Variants in UNK observed in about 807,000 individuals in gnomAD.
The protein encoded by UNK is unk zinc finger.
UNK carries 32 observed loss-of-function variants against 97.6 expected under a neutral mutation model. The ratio of observed to expected loss-of-function variants is 0.33; its 90% CI spans 0.25 to 0.44. The LOEUF is 0.44. Among genes scored for constraint, UNK ranks in the 20% least tolerant of loss-of-function variants. The probability of loss-of-function intolerance (pLI) is 1.00; values close to 1 mark genes in which losing one functional copy is unlikely to be tolerated. For synonymous variants in UNK, 441 were observed against 461.2 expected (o/e 0.96, Z 0.56); for missense variants, 771 against 1,098.4 (o/e 0.70, Z 4.21).
chr17:75,805,121 C>T (rs1244064133), intron 1 of UNK, among the ~76,000 whole-genome samples: 1 of 149,864 alleles, frequency 6.7e-6, no homozygotes, highest in Non-Finnish European at 1.5e-5. Flanking sequence ...GCAGAGCTTG[C>T]AGTGAGCTGA....
At chr17:75,803,313 G>C (rs1431529325) in intron 1 of UNK, among the ~76,000 whole-genome samples, 1 of 152,184 alleles carries the variant, frequency 6.6e-6, no homozygotes, top group Non-Finnish European at 1.5e-5. Context: ...TGAGGCAGAA[G>C]AATCACTTGA....
rs1206224750 is a variant in UNK, at chr17:75,817,144, A to C, written c.1105-182A>C. Among the ~76,000 whole-genome samples the C allele has an allele frequency of 6.7e-6, 1 of 150,320 alleles. No homozygotes were observed. The highest frequency in any genetic ancestry group is 1.5e-5 in the Non-Finnish European group (1 of 67,256). On this transcript the variant is annotated intron_variant, in intron 8 of 15. Transcript: ENST00000589666. This position sits in a 1 kb window ranked among gnomAD's most constrained non-coding sequence, Gnocchi z 5.8. ...CCTGTAGGACTGGTGGCAGGGACAA[A>C]GCCTGAGGTCACTCCCCTTTCCTTC...
rs1599387081 is a variant in UNK, at chr17:75,817,709, G to A, written c.1305+183G>A. ...GCCCATTTGCAGCTGAAGACAGGAA[G>A]GCTGGGGAGGCTGCATAGCCTCCCC... On this transcript the variant is annotated intron_variant, in intron 9 of 15. Coordinates refer to ENST00000589666, the MANE Select transcript of UNK (RefSeq NM_001080419.3). This position sits in a 1 kb window ranked among gnomAD's most constrained non-coding sequence, Gnocchi z 5.8. Among the ~76,000 whole-genome samples the A allele has an allele frequency of 6.6e-6, 1 of 152,188 alleles. No homozygotes were observed. Among genetic ancestry groups the A allele is most frequent in the East Asian group, 1.9e-4 (1 of 5,184 alleles).
At chr17:75,801,598 G>A (rs1181022348) in intron 1 of UNK, among the ~76,000 whole-genome samples, 1 of 151,874 alleles carries the variant, frequency 6.6e-6, no homozygotes, top group Non-Finnish European at 1.5e-5. Flanking sequence ...CCAGGCTGGA[G>A]TGAAGTGGCA....
In UNK at chr17:75,813,088, T is replaced by C. The variant is rs750341614; in HGVS notation, c.633T>C (p.Tyr211=). The C allele has an allele frequency of 3.8e-6, 6 of 1,587,556 alleles. No homozygotes were observed. The East Asian group carries it at 1.1e-4, about 30-fold the overall frequency. ...TGGCCCCCTGTGCAGAGACTGCTTA[T>C]GTGCTGGGGAACTATAAGACGGAGC... ...SEEPRWQETA[Y]VLGNYKTEPC... The change falls in exon 5 of 16, where the codon TAT becomes TAC. Residue 211 remains tyrosine, a synonymous_variant. Transcript: ENST00000589666.
chr17:75,814,156 C>G (rs2061995848), intron 6 of UNK, among the ~76,000 whole-genome samples: 1 of 151,876 alleles, frequency 6.6e-6, no homozygotes, highest in Non-Finnish European at 1.5e-5. Context: ...GGCGACCTGG[C>G]CACTCTGGGC....
chr17:75,824,252 T>C lies in UNK; in HGVS notation c.2278-10T>C. 6.3e-7 allele frequency: 1 copy of C among 1,581,098 alleles called. No individual in the cohort carries two copies. Among genetic ancestry groups the C allele is most frequent in the South Asian group, 1.1e-5 (1 of 88,516 alleles). ...CATGGATGGTGACCACGATGCCCCT[T>C]TCCCTGCAGGCCGTGTTCCACATGC... is the stretch of plus-strand genomic sequence containing the variant. On this transcript the variant is annotated splice_polypyrimidine_tract_variant and intron_variant, in intron 15 of 15. Coordinates refer to ENST00000589666, the MANE Select transcript of UNK (RefSeq NM_001080419.3). The surrounding 1 kb of genome is among the most constrained non-coding windows in gnomAD (Gnocchi z 4.9).
At chr17:75,813,332 T>C (rs1343487175) in intron 5 of UNK, 119 bp downstream of exon 5, 2 of 1,374,546 alleles carry the variant, frequency 1.5e-6, no homozygotes, top group Non-Finnish European at 1.9e-6. Flanking sequence ...GATGACAGGA[T>C]CGCAAGCCCA....
At chr17:75,792,862 T>G (rs2061774230) in intron 1 of UNK, among the ~76,000 whole-genome samples, 1 of 152,256 alleles carries the variant, frequency 6.6e-6, no homozygotes, top group African/African-American at 2.4e-5. Flanking sequence ...TCAGTGTATA[T>G]GAGTCCCTCT....
At chr17:75,785,348 T>G in intron 1 of UNK, 1 of 191,892 alleles carries the variant, frequency 5.2e-6, no homozygotes, top group Non-Finnish European at 1.1e-5. Flanking sequence ...CCAAGAGGAG[T>G]TCCGTGGGGT....
At chr17:75,806,957 C>T (rs2061924052) in intron 1 of UNK, among the ~76,000 whole-genome samples, 2 of 152,244 alleles carry the variant, frequency 1.3e-5, no homozygotes, top group African/African-American at 4.8e-5. Flanking sequence ...CTGTAGCTCA[C>T]TGTCTGTCCT....
At position 75,818,290 on chromosome 17, in the gene UNK, G is replaced by A. The variant is rs545902898; in HGVS notation, c.1371+122G>A. The A allele has an allele frequency of 2.5e-5, 28 of 1,132,936 alleles. No homozygotes were observed. The East Asian group carries it at 6.4e-4, about 26-fold the overall frequency. The allele number at this position is 1,132,936 out of a possible 1,614,324, so 70.2% of individuals were successfully genotyped here. A position where few individuals can be genotyped will look rare whatever the true frequency, so the allele number is the denominator to read the frequency against. ...AAAAGCTGAGGGCAGGACTAAAGTG[G>A]GGTCCCAGCCACAAATCCAGAGAGG... On this transcript the variant is annotated intron_variant, in intron 10 of 15. Coordinates refer to ENST00000589666, the MANE Select transcript of UNK (RefSeq NM_001080419.3). This position sits in a 1 kb window ranked among gnomAD's most constrained non-coding sequence, Gnocchi z 5.1.
At chr17:75,813,253 T>C in intron 5 of UNK, 40 bp downstream of exon 5, 1 of 1,542,954 alleles carries the variant, frequency 6.5e-7, no homozygotes, top group African/African-American at 1.4e-5. Flanking sequence ...GAGGGAGGAG[T>C]GGCAGGGAAG....
chr17:75,792,452 A>G (rs1428333799), intron 1 of UNK: 1 of 985,296 alleles, frequency 1.0e-6, no homozygotes. Flanking sequence ...GGTCACACTA[A>G]TTGTTATGTG....
chr17:75,809,649 C>G (rs2061950364), intron 1 of UNK, 111 bp from the exon 2 acceptor site: 1 of 1,183,928 alleles, frequency 8.4e-7, no homozygotes, highest in Non-Finnish European at 1.2e-6. Context: ...TCCAGTGGAA[C>G]TAGCACCCCA....
chr17:75,791,893 T>C, intron 1 of UNK: 1 of 985,328 alleles, frequency 1.0e-6, no homozygotes, highest in African/African-American at 1.7e-5. Flanking sequence ...CTTAGAGAAA[T>C]CCATCTTGGG....
rs773719382 is a variant in UNK, at chr17:75,785,003, C to T, written c.104+19C>T. 3.8e-5 allele frequency: 54 copies of T among 1,403,328 alleles called. 3 individuals are homozygous for T. Among genetic ancestry groups the T allele is most frequent in the Admixed American group, 1.3e-4 (4 of 30,302 alleles). The allele number at this position is 1,403,328 out of a possible 1,614,324, so 86.9% of individuals were successfully genotyped here. The stretch of plus-strand genomic sequence containing the variant: ...ACTACACGTACGTAGAGCCCCCCCC[C>T]CCCCGCCGCGCGCGCACGCCTGACG... On this transcript the variant is annotated intron_variant, in intron 1 of 15. Coordinates refer to ENST00000589666, the MANE Select transcript of UNK (RefSeq NM_001080419.3).
chr17:75,785,745 C>T (rs1402886476), intron 1 of UNK: 1 of 152,014 alleles, frequency 6.6e-6, no homozygotes, highest in East Asian at 1.9e-4. Context: ...TCTTCATTTC[C>T]TTCAAGCCAC....
At chr17:75,821,393 T>C (rs777252954) in intron 13 of UNK, 4 of 456,200 alleles carry the variant, frequency 8.8e-6, no homozygotes, top group African/African-American at 2.0e-5. Flanking sequence ...CTGAGAATCA[T>C]AGAGGGGCCT....
Sources: allele counts gnomAD v4.1 joint callset (sites outside exome capture counted in the v4.1 genomes callset), GRCh38; gene constraint gnomAD v4.1.1; non-coding constraint Gnocchi (gnomAD v3.1); transcripts MANE v1.5; gene names NCBI Gene and HGNC (gene_info 2026-07-23, HGNC 2026-07-21).